Variants in GRM5 observed in about 807,000 individuals in gnomAD.
GRM5 encodes glutamate metabotropic receptor 5, also known as metabotropic glutamate receptor 5.
In GRM5, 19 loss-of-function variants were observed where a neutral mutation model predicts 83.1. The observed-to-expected ratio is 0.23, with a 90% CI of 0.16 to 0.34. The LOEUF is 0.34. Among genes scored for constraint, GRM5 ranks in the 10% least tolerant of loss-of-function variants. The pLI is 1.00. For missense variants in GRM5, 1,160 were observed against 1,588.3 expected, an observed-to-expected ratio of 0.73 and a Z score of 4.58; for synonymous variants, 675 against 633.6, an observed-to-expected ratio of 1.07 and a Z score of -0.98.
intron 3 of GRM5, among the ~76,000 whole-genome samples, chr11:88,776,310 C>T (rs983629463): frequency 2.0e-5 from 3 of 152,018 alleles, no homozygotes; most frequent in African/African-American, 4.8e-5. Context: ...TCCTCCATCC[C>T]TTTATTTTGA....
intron 2 of GRM5, among the ~76,000 whole-genome samples, chr11:88,972,916 G>T (rs1462866889): frequency 6.6e-6 from 1 of 152,080 alleles, no homozygotes; most frequent in African/African-American, 2.4e-5. Context: ...TGGTATTCTT[G>T]CCAGAAACAT....
At chr11:88,511,303 C>T (rs761618494) in intron 9 of GRM5, among the ~76,000 whole-genome samples, 9 of 152,222 alleles carry the variant, frequency 5.9e-5, no homozygotes, top group African/African-American at 1.2e-4. Flanking sequence ...CATTTGGAAT[C>T]CACCAGCCTT....
At chr11:88,524,302 C>A (rs1941805378) in intron 9 of GRM5, among the ~76,000 whole-genome samples, 1 of 147,548 alleles carries the variant, frequency 6.8e-6, no homozygotes, top group African/African-American at 2.5e-5. Context: ...ACTGCAACCT[C>A]TGCCTCCTGG....
At chr11:88,825,631 G>A (rs938319604) in intron 3 of GRM5, among the ~76,000 whole-genome samples, 1 of 152,180 alleles carries the variant, frequency 6.6e-6, no homozygotes, top group East Asian at 1.9e-4. Context: ...CTAGAGAGCT[G>A]CTTTATGTTT....
intron 3 of GRM5, among the ~76,000 whole-genome samples, chr11:88,796,851 A>G (rs1943284504): frequency 6.6e-6 from 1 of 150,980 alleles, no homozygotes; most frequent in South Asian, 2.1e-4. Context: ...AGGTGCCTGT[A>G]TTTCTTTTTG....
chr11:88,962,949 C>T (rs1463953028), intron 2 of GRM5, among the ~76,000 whole-genome samples: 1 of 152,148 alleles, frequency 6.6e-6, no homozygotes, highest in Non-Finnish European at 1.5e-5. Flanking sequence ...ATTAGCCAGG[C>T]ATGGCGGCAC....
At chr11:88,895,633 ATGGAAAAAAACAAGTCCACCATAT>A (rs2135590008) in intron 2 of GRM5, among the ~76,000 whole-genome samples, 1 of 152,108 alleles carries the variant, frequency 6.6e-6, no homozygotes, top group African/African-American at 2.4e-5. Flanking sequence ...AAAGGCAAAA[ATGGAAAAAAACAAGTCCACCATAT>A]AATTATCACT....
At chr11:88,534,213 T>A (rs933394353) in intron 8 of GRM5, among the ~76,000 whole-genome samples, 1 of 152,176 alleles carries the variant, frequency 6.6e-6, no homozygotes, top group Non-Finnish European at 1.5e-5. Flanking sequence ...AGTGGAGCTG[T>A]AAGAAGAGGG....
chr11:88,631,908 G>C (rs1938979509), intron 4 of GRM5, among the ~76,000 whole-genome samples: 1 of 152,002 alleles, frequency 6.6e-6, no homozygotes, highest in African/African-American at 2.4e-5. Context: ...TCTGAAAGAG[G>C]ATTATTTTAT....
intron 5 of GRM5, among the ~76,000 whole-genome samples, chr11:88,603,182 A>C (rs1938045874): frequency 6.6e-6 from 1 of 152,212 alleles, no homozygotes. Flanking sequence ...TATTTGGATG[A>C]TTATGAATAA....
intron 2 of GRM5, among the ~76,000 whole-genome samples, chr11:88,861,106 A>G (rs1944554821): frequency 6.6e-6 from 1 of 152,216 alleles, no homozygotes; most frequent in African/African-American, 2.4e-5. Context: ...AAAATTATAA[A>G]TATAGCTAGC....
chr11:88,594,247 T>A (rs561597369), intron 6 of GRM5, among the ~76,000 whole-genome samples: 7 of 152,352 alleles, frequency 4.6e-5, no homozygotes, highest in African/African-American at 1.7e-4. Context: ...TAATTGTACA[T>A]GAATTTAAAC....
At chr11:88,722,808 C>T (rs1941579131) in intron 3 of GRM5, among the ~76,000 whole-genome samples, 1 of 152,050 alleles carries the variant, frequency 6.6e-6, no homozygotes. Flanking sequence ...CTAATATTAA[C>T]ATCTTGTATT....
chr11:89,020,093 C>T (rs1940946278), intron 2 of GRM5, among the ~76,000 whole-genome samples: 1 of 152,174 alleles, frequency 6.6e-6, no homozygotes, highest in African/African-American at 2.4e-5. Context: ...ATTGTTAATT[C>T]TCACTATTCC....
At chr11:88,538,976 C>T (rs1012331524) in intron 8 of GRM5, among the ~76,000 whole-genome samples, 1 of 152,162 alleles carries the variant, frequency 6.6e-6, no homozygotes, top group African/African-American at 2.4e-5. Context: ...ATTTTTCAAA[C>T]CTTATCATTT....
intron 1 of GRM5, among the ~76,000 whole-genome samples, chr11:89,062,045 G>C (rs1942005698): frequency 6.6e-6 from 1 of 152,190 alleles, no homozygotes; most frequent in Non-Finnish European, 1.5e-5. Flanking sequence ...AGATTTCACA[G>C]GGAGAAGGCT....
Position 88,518,043 on chromosome 11 carries a change from T to C in GRM5, c.2726+7266A>G, listed in dbSNP as rs186268618. On this transcript the variant is annotated intron_variant, in intron 9 of 9. Coordinates refer to ENST00000305447, the MANE Select transcript of GRM5 (RefSeq NM_001143831.3). Reference sequence around the variant, plus strand: ...AAAAGAGTATTAGATAAGATGAGAATTGAGCAGAAACTGAGATGAGAGAGT... The same window carrying C: ...AAAAGAGTATTAGATAAGATGAGAACTGAGCAGAAACTGAGATGAGAGAGT... 3.5e-3 allele frequency among the ~76,000 whole-genome samples: 538 copies of C among 152,088 alleles called. 9 individuals carry two copies. Among genetic ancestry groups the C allele is most frequent in the Admixed American group, 0.025 (382 of 15,260 alleles).
intron 2 of GRM5, among the ~76,000 whole-genome samples, chr11:89,038,850 A>G (rs1300010389): frequency 2.6e-5 from 4 of 152,220 alleles, no homozygotes; most frequent in African/African-American, 9.6e-5. Flanking sequence ...CTTTGGATCT[A>G]AATCCTTGCT....
intron 2 of GRM5, among the ~76,000 whole-genome samples, chr11:89,034,971 C>G (rs1298212407): frequency 2.7e-5 from 4 of 150,384 alleles, no homozygotes; most frequent in African/African-American, 9.7e-5. Context: ...TTAATAAAAC[C>G]TATAGTTTTA....
Sources: gnomAD v4.1 joint callset for allele counts (sites outside exome capture counted in the v4.1 genomes callset) on GRCh38, gnomAD v4.1.1 for gene constraint, MANE v1.5 for transcripts, NCBI Gene and HGNC (gene_info 2026-07-23, HGNC 2026-07-21) for gene names.